GRP: variants seen among roughly 807,000 people sequenced by gnomAD.
GRP encodes the protein gastrin releasing peptide.
Under a neutral mutation model 12.7 loss-of-function variants are expected in GRP, and 11 were observed. The observed-to-expected ratio is 0.87, with a 90% CI of 0.55 to 1.44. GRP has a LOEUF of 1.44. Among genes scored for constraint, GRP ranks in the 40% most tolerant of loss-of-function variants. The pLI is 0.00. For missense variants in GRP, 212 were observed against 185.4 expected, an observed-to-expected ratio of 1.14 and a Z score of -0.83; for synonymous variants, 84 against 77.7, an observed-to-expected ratio of 1.08 and a Z score of -0.43.
chr18:59,230,683 T>C lies in GRP; in HGVS notation c.*215T>C. On this transcript the variant is annotated 3_prime_UTR_variant, in exon 3 of 3. Transcript: ENST00000256857. ...TTGTCGAAAAGAGTCTTCCAATTAA[T>C]GCTTTTTTATATCTAGGCTACCTGT... The C allele has an allele frequency of 1.8e-6, 1 of 543,638 alleles. No homozygotes were observed. The highest frequency in any genetic ancestry group is 3.0e-5 in the East Asian group (1 of 33,092). The allele number at this position is 543,638 out of a possible 1,614,324, so 33.7% of individuals were successfully genotyped here.
In GRP at chr18:59,220,226, C is replaced by T; in HGVS notation, c.-40C>T. 8.5e-6 allele frequency: 12 copies of T among 1,415,790 alleles called. No individual in the cohort carries two copies. The highest frequency in any genetic ancestry group is 1.1e-5 in the Non-Finnish European group (12 of 1,087,320). The allele number at this position is 1,415,790 out of a possible 1,614,324, so 87.7% of individuals were successfully genotyped here. A position where few individuals can be genotyped will look rare whatever the true frequency, so the allele number is the denominator to read the frequency against. ...CCGGGTCACCAGTCTCTGCTCTTCC[C>T]AGCCTCTCCGGCGCGCTCCAAGGGC... is the stretch of plus-strand genomic sequence containing the variant. On this transcript the variant is annotated 5_prime_UTR_variant, in exon 1 of 3. Transcript: ENST00000256857.
At chr18:59,224,449 T>C (rs992834771) in intron 1 of GRP, among the ~76,000 whole-genome samples, 2 of 152,234 alleles carry the variant, frequency 1.3e-5, no homozygotes, top group Non-Finnish European at 2.9e-5. Flanking sequence ...ATACTTCTAA[T>C]GCCAGTCAGT....
chr18:59,222,374 A>T (rs2069848885), intron 1 of GRP, among the ~76,000 whole-genome samples: 1 of 152,234 alleles, frequency 6.6e-6, no homozygotes, highest in Non-Finnish European at 1.5e-5. Context: ...AATACCAACC[A>T]GTGGTGACCC....
chr18:59,227,884 A>T (rs1384568015), intron 2 of GRP, among the ~76,000 whole-genome samples: 3 of 152,230 alleles, frequency 2.0e-5, no homozygotes, highest in Non-Finnish European at 4.4e-5. Flanking sequence ...TCTGAGTAGC[A>T]GTATAATAGG....
intron 2 of GRP, among the ~76,000 whole-genome samples, chr18:59,228,708 CT>C (rs763540150): frequency 2.0e-5 from 3 of 152,188 alleles, no homozygotes; most frequent in Non-Finnish European, 4.4e-5. Flanking sequence ...TAATTCTATT[CT>C]GCAATTAATG....
chr18:59,225,705 A>G lies in GRP; in HGVS notation c.353A>G (p.Asn118Ser). Reference sequence around the variant, plus strand: ...TCGTGGGATTCAGAGGATAGCAGCAACTTCAAAGATGTAGGTTCAAAAGGC... The same window carrying G: ...TCGTGGGATTCAGAGGATAGCAGCAGCTTCAAAGATGTAGGTTCAAAAGGC... ...QPSWDSEDSS[N>S]FKDVGSKGKV... The change falls in exon 2 of 3, where the codon AAC (asparagine) becomes AGC (serine). Residue 118 changes from asparagine (N) to serine (S), a missense_variant. Physicochemically the swap from Asn to Ser is conservative, Grantham distance 46 (BLOSUM62 1). Transcript: ENST00000256857. 6.2e-6 allele frequency: 10 copies of G among 1,614,060 alleles called. No individual in the cohort carries two copies. Among genetic ancestry groups the G allele is most frequent in the Non-Finnish European group, 8.5e-6 (10 of 1,179,958 alleles).
intron 1 of GRP, 56 bp downstream of exon 1, chr18:59,220,460 G>T: frequency 7.6e-7 from 1 of 1,307,596 alleles, no homozygotes; most frequent in Non-Finnish European, 9.8e-7. Context: ...TCAGCCAGCC[G>T]GAGGGGACCT....
chr18:59,226,260 T>A (rs2069919237), intron 2 of GRP, among the ~76,000 whole-genome samples: 1 of 152,174 alleles, frequency 6.6e-6, no homozygotes, highest in African/African-American at 2.4e-5. Context: ...AACAAATCCA[T>A]CCTGTATATG....
intron 2 of GRP, among the ~76,000 whole-genome samples, chr18:59,227,021 CTTTCTT>C (rs759160670): frequency 7.4e-6 from 1 of 135,032 alleles, no homozygotes; most frequent in Non-Finnish European, 1.6e-5. Flanking sequence ...TTCTTTCTTT[CTTTCTT>C]TCTTTCTTTC....
chr18:59,230,477 G>T lies in GRP; in HGVS notation c.*9G>T, dbSNP rs376342645. On this transcript the variant is annotated 3_prime_UTR_variant, in exon 3 of 3. Coordinates refer to ENST00000256857, the MANE Select transcript of GRP (RefSeq NM_002091.5). Reference sequence around the variant, plus strand: ...AGCTGAACCAGCAATGATAATGATGGCCTCTCTCAAAAGAGAAAAACAAAA... The same window carrying T: ...AGCTGAACCAGCAATGATAATGATGTCCTCTCTCAAAAGAGAAAAACAAAA... The T allele has an allele frequency of 4.3e-5, 66 of 1,536,298 alleles. No homozygotes were observed. The African/African-American group carries it at 4.9e-4, about 11-fold the overall frequency.
In GRP at chr18:59,220,240, C is replaced by A; in HGVS notation, c.-26C>A. The A allele has an allele frequency of 6.9e-7, 1 of 1,439,214 alleles. No individual in the cohort carries two copies. The highest frequency in any genetic ancestry group is 1.4e-5 in the South Asian group (1 of 72,322). The allele number at this position is 1,439,214 out of a possible 1,614,324, so 89.2% of individuals were successfully genotyped here. A position where few individuals can be genotyped will look rare whatever the true frequency, so the allele number is the denominator to read the frequency against. On this transcript the variant is annotated 5_prime_UTR_variant, in exon 1 of 3. Coordinates refer to ENST00000256857, the MANE Select transcript of GRP (RefSeq NM_002091.5). ...TCTGCTCTTCCCAGCCTCTCCGGCG[C>A]GCTCCAAGGGCTTCCCGTCGGGACC...
At chr18:59,221,595 C>CTGTG (rs143541111) in intron 1 of GRP, among the ~76,000 whole-genome samples, 1,736 of 149,856 alleles carry the variant, frequency 0.012, 25 homozygotes, top group African/African-American at 0.037. Context: ...GTGTGTGTCT[C>CTGTG]TGTGTGTGTG....
chr18:59,223,782 C>A (rs1178213768), intron 1 of GRP, among the ~76,000 whole-genome samples: 1 of 152,092 alleles, frequency 6.6e-6, no homozygotes, highest in Non-Finnish European at 1.5e-5. Flanking sequence ...ACATAATCAC[C>A]GTTATGGCTG....
chr18:59,222,418 C>CT (rs1189655853), intron 1 of GRP, among the ~76,000 whole-genome samples: 1 of 152,172 alleles, frequency 6.6e-6, no homozygotes, highest in East Asian at 1.9e-4. Flanking sequence ...CTCAAATGCA[C>CT]TTTTTTCTCT....
At chr18:59,221,595 C>CTCTGTGTGTG (rs1555662646) in intron 1 of GRP, among the ~76,000 whole-genome samples, 1 of 149,760 alleles carries the variant, frequency 6.7e-6, no homozygotes, top group African/African-American at 2.5e-5. Flanking sequence ...GTGTGTGTCT[C>CTCTGTGTGTG]TGTGTGTGTG....
At chr18:59,219,391 G>C (rs1323244569), upstream of GRP, among the ~76,000 whole-genome samples, 1 of 145,422 alleles carries the variant, frequency 6.9e-6, no homozygotes, top group Non-Finnish European at 1.5e-5. Context: ...CAGAGGGGGA[G>C]AGAGAGACAG....
Position 59,230,771 on chromosome 18 carries a change from A to C in GRP, c.*303A>C, listed in dbSNP as rs1379646199. On this transcript the variant is annotated 3_prime_UTR_variant, in exon 3 of 3. Transcript: ENST00000256857. Reference sequence around the variant, plus strand: ...ATAAAAGCTTAAACACATTGTCCAAAGGGCAGGCTGTTCTCTTATTTCAAT... The same window carrying C: ...ATAAAAGCTTAAACACATTGTCCAACGGGCAGGCTGTTCTCTTATTTCAAT... 1 of 333,264 alleles carries C rather than the reference A, an allele frequency of 3.0e-6. No individual in the cohort carries two copies. Among genetic ancestry groups the C allele is most frequent in the African/African-American group, 2.1e-5 (1 of 47,394 alleles). The allele number at this position is 333,264 out of a possible 1,614,324, so 20.6% of individuals were successfully genotyped here.
chr18:59,219,778 G>T (rs2144091960), upstream of GRP, among the ~76,000 whole-genome samples: 1 of 152,206 alleles, frequency 6.6e-6, no homozygotes. Context: ...CCCGTCTCCA[G>T]CTACACCCCC....
At chr18:59,219,393 G>C (rs990158897), upstream of GRP, among the ~76,000 whole-genome samples, 6 of 144,898 alleles carry the variant, frequency 4.1e-5, no homozygotes, top group Non-Finnish European at 9.0e-5. Flanking sequence ...GAGGGGGAGA[G>C]AGAGACAGAG....
Sources: allele counts gnomAD v4.1 joint callset (sites outside exome capture counted in the v4.1 genomes callset), GRCh38; gene constraint gnomAD v4.1.1; transcripts MANE v1.5; gene names NCBI Gene and HGNC (gene_info 2026-07-23, HGNC 2026-07-21).